Variants in SNX29 observed in about 807,000 individuals in gnomAD.
The protein encoded by SNX29 is sorting nexin 29.
In SNX29, 78 loss-of-function variants were observed where a neutral mutation model predicts 102.1. The observed-to-expected ratio is 0.76, with a 90% CI of 0.64 to 0.92. The LOEUF (loss-of-function observed/expected upper bound fraction) is 0.92, where lower values mean the gene tolerates loss of function less well. SNX29 is among the 40% of genes least tolerant of loss of function. The pLI is 0.00. For missense variants in SNX29, 1,280 were observed against 1,061.7 expected, an observed-to-expected ratio of 1.21 and a Z score of -2.86; for synonymous variants, 580 against 414.5, an observed-to-expected ratio of 1.40 and a Z score of -4.85.
chr16:12,554,874 T>TA (rs1162784564), intron 20 of SNX29, among the ~76,000 whole-genome samples: 1 of 152,052 alleles, frequency 6.6e-6, no homozygotes, highest in Non-Finnish European at 1.5e-5. Flanking sequence ...AGGACAAAGA[T>TA]ATGTCAGCAT....
intron 20 of SNX29, among the ~76,000 whole-genome samples, chr16:12,552,397 G>C (rs1294374379): frequency 3.9e-5 from 6 of 152,228 alleles, no homozygotes; most frequent in Non-Finnish European, 1.5e-5. Flanking sequence ...ACCTGGCGCA[G>C]AGCAGTGGTG....
At chr16:12,281,362 T>G (rs2079424843) in intron 15 of SNX29, among the ~76,000 whole-genome samples, 1 of 152,208 alleles carries the variant, frequency 6.6e-6, no homozygotes, top group Non-Finnish European at 1.5e-5. Flanking sequence ...CACTACACAT[T>G]TGTGCTTGGT....
intron 1 of SNX29, among the ~76,000 whole-genome samples, chr16:11,988,783 G>T (rs954842263): frequency 6.6e-6 from 1 of 152,072 alleles, no homozygotes; most frequent in Non-Finnish European, 1.5e-5. Flanking sequence ...TGGTGAACTG[G>T]GTTGGCCTCC....
At chr16:12,385,627 G>A (rs1481678761) in intron 16 of SNX29, among the ~76,000 whole-genome samples, 3 of 152,212 alleles carry the variant, frequency 2.0e-5, no homozygotes, top group Non-Finnish European at 4.4e-5. Flanking sequence ...CTCCCACCCT[G>A]TGTGCATCAG....
At chr16:12,331,298 C>T (rs1380903274) in intron 15 of SNX29, among the ~76,000 whole-genome samples, 1 of 152,166 alleles carries the variant, frequency 6.6e-6, no homozygotes. Context: ...CCAAGTGGGT[C>T]CCTTGGTCAT....
At position 12,543,459 on chromosome 16, in the gene SNX29, C is replaced by G. The variant is rs992235178; in HGVS notation, c.2318+18618C>G. ...CAAACATATGTTCATGCTGCGGGGT[C>G]TGGTGAACAGCTGTCAGTAAAGCCA... is the stretch of plus-strand genomic sequence containing the variant. On this transcript the variant is annotated intron_variant, in intron 20 of 20. Transcript: ENST00000566228. Among the ~76,000 whole-genome samples, 8 of 152,338 alleles carry G rather than the reference C, an allele frequency of 5.3e-5. No homozygotes were observed. In the South Asian group the frequency reaches 1.2e-3, roughly 24 times the overall value.
chr16:12,456,433 A>G (rs2086540572), intron 18 of SNX29, among the ~76,000 whole-genome samples: 1 of 152,220 alleles, frequency 6.6e-6, no homozygotes, highest in Non-Finnish European at 1.5e-5. Context: ...TGCTGTGAAG[A>G]AGCAGAGAGA....
At chr16:12,198,241 C>T (rs183092298) in intron 13 of SNX29, among the ~76,000 whole-genome samples, 3 of 151,952 alleles carry the variant, frequency 2.0e-5, no homozygotes, top group Admixed American at 6.5e-5. Flanking sequence ...GAACAGTAAA[C>T]AAGGGAAAAA....
intron 5 of SNX29, among the ~76,000 whole-genome samples, chr16:12,043,873 C>T (rs552321933): frequency 6.6e-6 from 1 of 152,308 alleles, no homozygotes; most frequent in East Asian, 1.9e-4. Flanking sequence ...CTGCCTCAGC[C>T]TCCTGAGTAG....
intron 3 of SNX29, among the ~76,000 whole-genome samples, chr16:12,012,825 G>A (rs990787423): frequency 6.6e-6 from 1 of 152,060 alleles, no homozygotes; most frequent in Non-Finnish European, 1.5e-5. Flanking sequence ...GTCTACTCTG[G>A]TCTGGTGCTG....
chr16:12,517,812 C>T (rs1178666781), intron 19 of SNX29, among the ~76,000 whole-genome samples: 3 of 151,758 alleles, frequency 2.0e-5, no homozygotes, highest in Non-Finnish European at 4.4e-5. Flanking sequence ...TCAGAGAGGG[C>T]CTGGGCGACC....
intron 13 of SNX29, among the ~76,000 whole-genome samples, chr16:12,194,346 C>T (rs932251639): frequency 2.0e-5 from 3 of 152,108 alleles, no homozygotes; most frequent in Non-Finnish European, 4.4e-5. Context: ...GTTCTGTGAC[C>T]TTGAAAAACT....
chr16:12,112,551 C>T lies in SNX29; in HGVS notation c.1403-14082C>T, dbSNP rs566403885. Among the ~76,000 whole-genome samples, 16 of 152,298 alleles carry T rather than the reference C, an allele frequency of 1.1e-4. No homozygotes were observed. The South Asian group carries it at 2.9e-3, about 28-fold the overall frequency. ...GGTGGAATCCTGCTCACAAGGGACT[C>T]GCCATTTAGCTGGGGAGGCTGTGAA... On this transcript the variant is annotated intron_variant, in intron 11 of 20. Coordinates refer to ENST00000566228, the MANE Select transcript of SNX29 (RefSeq NM_032167.5).
rs181122696 is a variant in SNX29, at chr16:12,180,069, T to C, written c.1596-19532T>C. Among the ~76,000 whole-genome samples the C allele has an allele frequency of 6.6e-5, 10 of 152,312 alleles. No homozygotes were observed. The East Asian group carries it at 1.9e-3, about 29-fold the overall frequency. ...TGAATTGAGTTTTTAGTACCTGTTATTTTGGTTTCTTCTCCAGGGGCTTCT... is the reference window on the plus strand; with the variant it reads ...TGAATTGAGTTTTTAGTACCTGTTACTTTGGTTTCTTCTCCAGGGGCTTCT... On this transcript the variant is annotated intron_variant, in intron 13 of 20. Transcript: ENST00000566228.
At chr16:12,542,738 T>A (rs2077398064) in intron 20 of SNX29, among the ~76,000 whole-genome samples, 1 of 138,900 alleles carries the variant, frequency 7.2e-6, no homozygotes, top group Non-Finnish European at 1.5e-5. Context: ...CTTGTGCATA[T>A]AAGCACTAGA....
intron 16 of SNX29, among the ~76,000 whole-genome samples, chr16:12,362,704 C>T (rs988531879): frequency 6.6e-6 from 1 of 151,840 alleles, no homozygotes; most frequent in East Asian, 1.9e-4. Flanking sequence ...ATCAGCTCAA[C>T]GCTTCCTCAG....
At chr16:12,013,286 A>G (rs1179127257) in intron 3 of SNX29, among the ~76,000 whole-genome samples, 2 of 151,174 alleles carry the variant, frequency 1.3e-5, no homozygotes, top group Non-Finnish European at 2.9e-5. Flanking sequence ...ATGCAAATTA[A>G]AGCAACAGTG....
chr16:12,161,240 T>C (rs1370106335), intron 13 of SNX29, among the ~76,000 whole-genome samples: 2 of 152,236 alleles, frequency 1.3e-5, no homozygotes, highest in Admixed American at 6.5e-5. Flanking sequence ...CCAGATGGGC[T>C]GCGTTTTCCC....
chr16:12,566,398 ACT>A (rs1329789279), intron 20 of SNX29, among the ~76,000 whole-genome samples: 1 of 137,204 alleles, frequency 7.3e-6, no homozygotes, highest in African/African-American at 2.8e-5. Flanking sequence ...TCTCCCAGGC[ACT>A]CTCAGAGCCT....
Sources: gnomAD v4.1 joint callset for allele counts (sites outside exome capture counted in the v4.1 genomes callset) on GRCh38, gnomAD v4.1.1 for gene constraint, MANE v1.5 for transcripts, NCBI Gene and HGNC (gene_info 2026-07-23, HGNC 2026-07-21) for gene names.